COA6: variants seen among roughly 807,000 people sequenced by gnomAD.
The protein encoded by COA6 is cytochrome c oxidase assembly factor 6, also known as cytochrome c oxidase assembly factor 6 homolog.
Under a neutral mutation model 17.1 loss-of-function variants are expected in COA6, and 12 were observed. The observed-to-expected ratio is 0.70, with a 90% CI of 0.45 to 1.14. The LOEUF is 1.14. Ranked by LOEUF, COA6 falls within the 50% of genes most tolerant of loss-of-function variation. The pLI is 0.00. For synonymous variants in COA6, 90 were observed against 73.4 expected, an observed-to-expected ratio of 1.23 and a Z score of -1.16; for missense variants, 246 against 196.5, an observed-to-expected ratio of 1.25 and a Z score of -1.51.
At chr1:234,377,405 A>G (rs906427757) in intron 2 of COA6, among the ~76,000 whole-genome samples, 11 of 152,068 alleles carry the variant, frequency 7.2e-5, no homozygotes, top group African/African-American at 1.9e-4. Flanking sequence ...GATTACAGGC[A>G]TGAGCCACTG....
chr1:234,375,310 C>G (rs1658761606), intron 2 of COA6, among the ~76,000 whole-genome samples: 1 of 152,088 alleles, frequency 6.6e-6, no homozygotes. Flanking sequence ...TTGTTATTCT[C>G]TATCTCCAGA....
Position 234,384,907 on chromosome 1 carries a change from A to AAT in COA6, c.*1092_*1093dup, listed in dbSNP as rs1659083335. Among the ~76,000 whole-genome samples, 1 of 152,264 alleles carries AAT rather than the reference A, an allele frequency of 6.6e-6. No homozygotes were observed. Among genetic ancestry groups the AAT allele is most frequent in the Non-Finnish European group, 1.5e-5 (1 of 68,052 alleles). Reference sequence around the variant, plus strand: ...GGTTACAGACCACTGCATTAAAGTGAATATCACAATAGAGTGGGTTACACA... The same window carrying AAT: ...GGTTACAGACCACTGCATTAAAGTGAATATATCACAATAGAGTGGGTTACACA... On this transcript the variant is annotated 3_prime_UTR_variant, in exon 3 of 3. Transcript: ENST00000366615.
In COA6 at chr1:234,383,920, C is replaced by G; in HGVS notation, c.*102C>G. The G allele has an allele frequency of 1.7e-6, 1 of 594,450 alleles. No homozygotes were observed. The highest frequency in any genetic ancestry group is 2.5e-5 in the South Asian group (1 of 40,124). 36.8% of individuals were successfully genotyped at this position (594,450 alleles called of 1,614,324 possible). Reference sequence around the variant, plus strand: ...ATCATAGTGAACATCAATACTTGTTCCCTATATACGACACTTGATAATTAA... The same window carrying G: ...ATCATAGTGAACATCAATACTTGTTGCCTATATACGACACTTGATAATTAA... On this transcript the variant is annotated 3_prime_UTR_variant, in exon 3 of 3. Coordinates refer to ENST00000366615, the MANE Select transcript of COA6 (RefSeq NM_001206641.3).
Position 234,384,852 on chromosome 1 carries a change from A to C in COA6, c.*1034A>C, listed in dbSNP as rs757902586. Among the ~76,000 whole-genome samples the C allele has an allele frequency of 5.9e-5, 9 of 152,258 alleles. No individual in the cohort carries two copies. The highest frequency in any genetic ancestry group is 1.3e-4 in the Non-Finnish European group (9 of 68,038). On this transcript the variant is annotated 3_prime_UTR_variant, in exon 3 of 3. Coordinates refer to ENST00000366615, the MANE Select transcript of COA6 (RefSeq NM_001206641.3). ...GTAAGTCATTGAGATGATTTAAAGT[A>C]TAGGCATACCTCAAAGATACTGCAG...
chr1:234,373,902 C>T, intron 1 of COA6: 12 of 1,561,808 alleles, frequency 7.7e-6, no homozygotes, highest in Non-Finnish European at 1.0e-5. Flanking sequence ...GGGAAACGGG[C>T]TCGGAGAGAA....
In COA6 at chr1:234,373,599, C is replaced by T. The variant is rs764765163; in HGVS notation, c.133C>T (p.Leu45Phe). 1.2e-6 allele frequency: 2 copies of T among 1,612,636 alleles called. No homozygotes were observed. The highest frequency in any genetic ancestry group is 1.7e-6 in the Non-Finnish European group (2 of 1,179,566). Residue 45 changes from leucine to phenylalanine, a missense_variant, in exon 1 of 3, where the codon CTC becomes TTC. Physicochemically the swap from Leu to Phe is conservative, Grantham distance 22. Coordinates refer to ENST00000366615, the MANE Select transcript of COA6 (RefSeq NM_001206641.3). ...CAGTGGCAGGACTCGGCACCGCGCC[C>T]TCCACCGCCGGTTGGTGGCCTGCGT... The part of the protein sequence containing the change: ...PCSGRTRHRA[L>F]HRRLVACVTV...
At chr1:234,373,953 C>T in intron 1 of COA6, 1 of 1,306,050 alleles carries the variant, frequency 7.7e-7, no homozygotes, top group Non-Finnish European at 1.0e-6. Context: ...AACCACAGTT[C>T]TCAGCCGGGC....
intron 2 of COA6, among the ~76,000 whole-genome samples, chr1:234,383,064 G>GAGGGAAGGAAGGGAAGGGA (rs369256610): frequency 3.6e-5 from 4 of 112,416 alleles, no homozygotes; most frequent in African/African-American, 6.4e-5. Flanking sequence ...GGGAGGGAGG[G>GAGGGAAGGAAGGGAAGGGA]AGGGAAGGGA....
At chr1:234,379,174 C>T (rs1345230704) in intron 2 of COA6, among the ~76,000 whole-genome samples, 1 of 151,760 alleles carries the variant, frequency 6.6e-6, no homozygotes, top group African/African-American at 2.4e-5. Flanking sequence ...GCCACTGTGC[C>T]CGGCCATGGT....
rs71170479 is a variant in COA6 at position 234,377,059 on chromosome 1, CGAGAGAGAGAGA to C, written c.372+2701_372+2712del. ...GACAGCTACCTTCTTGCTGTGTTGC[CGAGAGAGAGAGA>C]GAGAGAGAGAGAGAGAGAGAGAGAG... On this transcript the variant is annotated intron_variant, in intron 2 of 2. Transcript: ENST00000366615. Among the ~76,000 whole-genome samples the C allele has an allele frequency of 3.0e-4, 25 of 82,638 alleles. 4 individuals carry two copies. In the South Asian group the frequency reaches 3.1e-3, roughly 10 times the overall value. 54.2% of individuals were successfully genotyped at this position (82,638 alleles called of 152,430 possible).
At chr1:234,381,284 C>G (rs1198052813) in intron 2 of COA6, among the ~76,000 whole-genome samples, 1 of 152,156 alleles carries the variant, frequency 6.6e-6, no homozygotes, top group Admixed American at 6.6e-5. Context: ...CTTGTTGATT[C>G]ATTAGCCTTT....
At chr1:234,377,136 G>GTTGTTGTTGTTGTTT (rs1658831260) in intron 2 of COA6, among the ~76,000 whole-genome samples, 1 of 58,962 alleles carries the variant, frequency 1.7e-5, no homozygotes, top group African/African-American at 1.9e-4. Flanking sequence ...TGTTTTTTTT[G>GTTGTTGTTGTTGTTT]TTGTTGTTGA....
intron 2 of COA6, 150 bp from the exon 3 acceptor site, chr1:234,383,573 G>GAC (rs60042887): frequency 0.022 from 9,980 of 462,124 alleles, 12 homozygotes; most frequent in Admixed American, 0.034. Flanking sequence ...AGTTACAGCT[G>GAC]ACACACACAC....
rs1259382577 is a variant in COA6 at position 234,373,586 on chromosome 1, T to C, written c.120T>C (p.Thr40=). Residue 40 remains threonine (T), a synonymous_variant, in exon 1 of 3, where the codon ACT becomes ACC. Coordinates refer to ENST00000366615, the MANE Select transcript of COA6 (RefSeq NM_001206641.3). The part of the protein sequence containing the change: ...EPAGRPCSGR[T]RHRALHRRLV... ...CGGGGCGACCCTGCAGTGGCAGGACTCGGCACCGCGCCCTCCACCGCCGGT... is the reference window on the plus strand; with the variant it reads ...CGGGGCGACCCTGCAGTGGCAGGACCCGGCACCGCGCCCTCCACCGCCGGT... The C allele has an allele frequency of 1.2e-6, 2 of 1,612,194 alleles. No individual in the cohort carries two copies. The highest frequency in any genetic ancestry group is 8.5e-7 in the Non-Finnish European group (1 of 1,179,456).
At chr1:234,373,753 G>A in intron 1 of COA6, 75 bp downstream of exon 1, 1 of 1,613,822 alleles carries the variant, frequency 6.2e-7, no homozygotes, top group Non-Finnish European at 8.5e-7. Context: ...TCCCCGAGCC[G>A]CGGGTTCCTC....
chr1:234,373,854 C>T lies in COA6; in HGVS notation c.212+176C>T. 1.2e-6 allele frequency: 2 copies of T among 1,611,584 alleles called. No homozygotes were observed. Among genetic ancestry groups the T allele is most frequent in the Non-Finnish European group, 1.7e-6 (2 of 1,178,936 alleles). On this transcript the variant is annotated intron_variant, in intron 1 of 2. Coordinates refer to ENST00000366615, the MANE Select transcript of COA6 (RefSeq NM_001206641.3). ...TACAGCGCTTAGGTTCGAACAGTAA[C>T]CCTGTAAACTAGGCACTGCTGTCCC... is the stretch of plus-strand genomic sequence containing the variant.
At chr1:234,380,665 C>T (rs1218927348) in intron 2 of COA6, among the ~76,000 whole-genome samples, 3 of 152,228 alleles carry the variant, frequency 2.0e-5, no homozygotes, top group Non-Finnish European at 4.4e-5. Flanking sequence ...AATTAGTTCT[C>T]TCTCGTACTC....
In COA6 at chr1:234,378,776, G is replaced by A. The variant is rs147853536; in HGVS notation, c.372+4387G>A. On this transcript the variant is annotated intron_variant, in intron 2 of 2. Coordinates refer to ENST00000366615, the MANE Select transcript of COA6 (RefSeq NM_001206641.3). ...TAATCCCAACTATTTGGGAGGCTGA[G>A]GCAGGAGAATTGCTTGAACCCGGGA... 2.7e-3 allele frequency among the ~76,000 whole-genome samples: 416 copies of A among 152,266 alleles called. 3 individuals carry two copies. The highest frequency in any genetic ancestry group is 9.3e-3 in the African/African-American group (385 of 41,556).
chr1:234,379,841 G>A lies in COA6; in HGVS notation c.373-3882G>A, dbSNP rs188101564. 1.5e-3 allele frequency among the ~76,000 whole-genome samples: 224 copies of A among 152,224 alleles called. 1 individual carries two copies. Among genetic ancestry groups the A allele is most frequent in the Admixed American group, 0.014 (207 of 15,296 alleles). ...ACTTACTGTCACAAGAACAGCGTGG[G>A]AGAAACTACCCCGGTGATTCAGTTA... On this transcript the variant is annotated intron_variant, in intron 2 of 2. Coordinates refer to ENST00000366615, the MANE Select transcript of COA6 (RefSeq NM_001206641.3).
Sources: gnomAD v4.1 joint callset for allele counts (sites outside exome capture counted in the v4.1 genomes callset) on GRCh38, gnomAD v4.1.1 for gene constraint, MANE v1.5 for transcripts, NCBI Gene and HGNC (gene_info 2026-07-23, HGNC 2026-07-21) for gene names.